LRMDA: variants seen among roughly 807,000 people sequenced by gnomAD.
LRMDA encodes the protein leucine rich melanocyte differentiation associated, also known as leucine-rich melanocyte differentiation-associated protein.
Under a neutral mutation model 29.8 loss-of-function variants are expected in LRMDA, and 18 were observed. The ratio of observed to expected loss-of-function variants is 0.60; its 90% CI spans 0.42 to 0.90. LRMDA has a LOEUF of 0.90. LRMDA is among the 40% of genes least tolerant of loss of function. LRMDA has a pLI of 0.00. For missense variants in LRMDA, 273 were observed against 273.9 expected (o/e 1.00, Z 0.02); for synonymous variants, 125 against 109.4 (o/e 1.14, Z -0.89).
intron 6 of LRMDA, among the ~76,000 whole-genome samples, chr10:76,412,931 T>G (rs1191141036): frequency 3.3e-5 from 5 of 152,060 alleles, no homozygotes; most frequent in Non-Finnish European, 2.9e-5. Context: ...TCACTCCTAG[T>G]CCCCTGACTT....
At chr10:76,478,797 A>C (rs1258264164) in intron 6 of LRMDA, among the ~76,000 whole-genome samples, 1 of 151,892 alleles carries the variant, frequency 6.6e-6, no homozygotes, top group Non-Finnish European at 1.5e-5. Context: ...TATATCAAGG[A>C]GAAAAAAACA....
chr10:75,449,928 T>G (rs1844440750), intron 2 of LRMDA, among the ~76,000 whole-genome samples: 1 of 151,860 alleles, frequency 6.6e-6, no homozygotes, highest in African/African-American at 2.4e-5. Context: ...TGCGTGGGGG[T>G]GTGTGTGTAT....
intron 2 of LRMDA, among the ~76,000 whole-genome samples, chr10:75,869,279 G>T (rs1238008047): frequency 1.3e-5 from 2 of 152,108 alleles, no homozygotes; most frequent in Non-Finnish European, 2.9e-5. Context: ...TCATACAGAT[G>T]GTTAATAATG....
chr10:75,560,412 A>C (rs1349674944), intron 2 of LRMDA, among the ~76,000 whole-genome samples: 2 of 150,018 alleles, frequency 1.3e-5, no homozygotes, highest in African/African-American at 2.4e-5. Flanking sequence ...GAAGTTGCTT[A>C]TCAGCTTAAG....
chr10:75,671,270 T>C (rs762775101), intron 2 of LRMDA, among the ~76,000 whole-genome samples: 2 of 152,222 alleles, frequency 1.3e-5, no homozygotes, highest in Non-Finnish European at 2.9e-5. Flanking sequence ...CTACTAGGGA[T>C]ATTTTGGCCC....
chr10:75,958,235 A>G (rs1441028158), intron 2 of LRMDA, among the ~76,000 whole-genome samples: 1 of 152,172 alleles, frequency 6.6e-6, no homozygotes, highest in African/African-American at 2.4e-5. Flanking sequence ...TATTGCATAA[A>G]CAGGGCGCCT....
chr10:75,673,208 T>C (rs1267825652), intron 2 of LRMDA, among the ~76,000 whole-genome samples: 1 of 152,120 alleles, frequency 6.6e-6, no homozygotes, highest in Admixed American at 6.6e-5. Context: ...TCAAGTGGGC[T>C]GTGGGGTTGA....
intron 2 of LRMDA, among the ~76,000 whole-genome samples, chr10:75,988,090 G>T (rs1202992193): frequency 6.6e-6 from 1 of 152,180 alleles, no homozygotes; most frequent in Non-Finnish European, 1.5e-5. Flanking sequence ...GAAGCAGGAG[G>T]CACGATAGCT....
At chr10:76,519,063 C>T (rs1167911752) in intron 6 of LRMDA, among the ~76,000 whole-genome samples, 1 of 152,098 alleles carries the variant, frequency 6.6e-6, no homozygotes, top group Non-Finnish European at 1.5e-5. Context: ...AATCCCAGCA[C>T]TTTGGGAGGC....
At chr10:75,737,522 T>A (rs1361702069) in intron 2 of LRMDA, among the ~76,000 whole-genome samples, 1 of 152,192 alleles carries the variant, frequency 6.6e-6, no homozygotes. Flanking sequence ...GAGCAAGGCC[T>A]TTGTTGTTGG....
intron 2 of LRMDA, among the ~76,000 whole-genome samples, chr10:75,909,240 T>C (rs1183898874): frequency 6.6e-6 from 1 of 152,222 alleles, no homozygotes; most frequent in Non-Finnish European, 1.5e-5. Context: ...AGTAATTTTT[T>C]TGAAATATCT....
chr10:75,872,787 C>G (rs533854313), intron 2 of LRMDA, among the ~76,000 whole-genome samples: 1 of 152,236 alleles, frequency 6.6e-6, no homozygotes, highest in East Asian at 1.9e-4. Context: ...AAGCTTTTCC[C>G]AATCCACCCT....
At chr10:75,449,761 C>T (rs1564774018) in intron 2 of LRMDA, among the ~76,000 whole-genome samples, 10 of 152,132 alleles carry the variant, frequency 6.6e-5, no homozygotes. Context: ...TTCTTTCTTC[C>T]TCTCCCCTGC....
At chr10:76,090,706 G>T (rs921707018) in intron 5 of LRMDA, among the ~76,000 whole-genome samples, 3 of 152,178 alleles carry the variant, frequency 2.0e-5, no homozygotes, top group African/African-American at 7.2e-5. Flanking sequence ...AAAAATGAAG[G>T]CACTTCTGAC....
intron 2 of LRMDA, among the ~76,000 whole-genome samples, chr10:75,802,967 TATA>T (rs1353598072): frequency 1.1e-4 from 14 of 127,718 alleles, no homozygotes; most frequent in African/African-American, 4.2e-4. Flanking sequence ...TATATATATA[TATA>T]TATTTTTTTT....
intron 2 of LRMDA, among the ~76,000 whole-genome samples, chr10:75,995,708 A>T (rs1847450306): frequency 6.6e-6 from 1 of 152,168 alleles, no homozygotes; most frequent in African/African-American, 2.4e-5. Flanking sequence ...CATTATTGTG[A>T]AGTTTTTCTT....
chr10:76,216,424 G>C (rs1269524235), intron 5 of LRMDA, among the ~76,000 whole-genome samples: 3 of 152,152 alleles, frequency 2.0e-5, no homozygotes, highest in Non-Finnish European at 4.4e-5. Context: ...ATATGCAAAT[G>C]ATAATGGATC....
At chr10:75,614,750 A>G (rs1213237686) in intron 2 of LRMDA, among the ~76,000 whole-genome samples, 2 of 151,898 alleles carry the variant, frequency 1.3e-5, no homozygotes, top group Non-Finnish European at 2.9e-5. Context: ...TGTTTAATAT[A>G]CAAGGAGGTT....
intron 5 of LRMDA, among the ~76,000 whole-genome samples, chr10:76,129,418 C>T (rs915140243): frequency 1.3e-5 from 2 of 152,174 alleles, no homozygotes; most frequent in East Asian, 3.9e-4. Context: ...TTATAGCTCC[C>T]ACTGCAAATT....
Sources: allele counts gnomAD v4.1 joint callset (sites outside exome capture counted in the v4.1 genomes callset), GRCh38; gene constraint gnomAD v4.1.1; transcripts MANE v1.5; gene names NCBI Gene and HGNC (gene_info 2026-07-23, HGNC 2026-07-21).